Variants in RCAN1 observed in about 807,000 individuals in gnomAD.
The protein encoded by RCAN1 is calcipressin-1.
RCAN1 carries 11 observed loss-of-function variants against 22.9 expected under a neutral mutation model. The ratio of observed to expected loss-of-function variants is 0.48; its 90% CI spans 0.30 to 0.79. RCAN1 has a LOEUF of 0.79. RCAN1 is among the 30% of genes least tolerant of loss of function. The pLI, the probability that RCAN1 is intolerant of heterozygous loss-of-function variation, is 0.06. For synonymous variants in RCAN1, 136 were observed against 142.3 expected, an observed-to-expected ratio of 0.96 and a Z score of 0.32; for missense variants, 291 against 337.8, an observed-to-expected ratio of 0.86 and a Z score of 1.09.
At chr21:34,547,065 GC>G (rs1986174961) in intron 1 of RCAN1, among the ~76,000 whole-genome samples, 1 of 152,120 alleles carries the variant, frequency 6.6e-6, no homozygotes, top group South Asian at 2.1e-4. Context: ...TCTGTGGCTG[GC>G]GTTTTCTTTG....
At position 34,521,523 on chromosome 21, in the gene RCAN1, A is replaced by G. The variant is rs1031052642; in HGVS notation, c.562T>C (p.Tyr188His). Residue 188 changes from tyrosine to histidine, a missense_variant, in exon 3 of 4, where the codon TAT (tyrosine) becomes CAT (histidine). By Grantham distance (83) the Tyr-to-His change is moderately conservative. Transcript: ENST00000313806. ...CCTGGCCCCAGCTTGGAGATGGCAT[A>G]TAAGAGATCATAGTTTATGACTGGG... ...ATPVINYDLL[Y>H]AISKLGPGEK... The G allele has an allele frequency of 2.5e-6, 4 of 1,614,100 alleles. No individual in the cohort carries two copies. The African/African-American group carries it at 4.0e-5, about 16-fold the overall frequency.
intron 1 of RCAN1, among the ~76,000 whole-genome samples, chr21:34,582,766 G>A (rs1987659998): frequency 6.6e-6 from 1 of 152,184 alleles, no homozygotes; most frequent in Non-Finnish European, 1.5e-5. Context: ...GAGCTCCAGA[G>A]TGACAAGAGG....
chr21:34,597,880 A>G (rs1273538435), intron 1 of RCAN1, among the ~76,000 whole-genome samples: 1 of 152,200 alleles, frequency 6.6e-6, no homozygotes, highest in Non-Finnish European at 1.5e-5. Flanking sequence ...CTCTATATAG[A>G]GGTAAAAATA....
In RCAN1 at chr21:34,578,040, C is replaced by T. The variant is rs111720877; in HGVS notation, c.252+36720G>A. Among the ~76,000 whole-genome samples the T allele has an allele frequency of 1.1e-4, 16 of 152,270 alleles. 1 individual carries two copies. Among genetic ancestry groups the T allele is most frequent in the African/African-American group, 3.9e-4 (16 of 41,546 alleles). On this transcript the variant is annotated intron_variant, in intron 1 of 3. Transcript: ENST00000313806. ...AGCCCTGCAGAGGGGTGTGGACTGT[C>T]AGCCCACTGACTATTAGAAGTACAG...
chr21:34,610,020 G>C (rs774185522), intron 1 of RCAN1, among the ~76,000 whole-genome samples: 12 of 152,124 alleles, frequency 7.9e-5, no homozygotes, highest in Non-Finnish European at 1.3e-4. Flanking sequence ...CTGAGAAACC[G>C]CATGCCTCAC....
chr21:34,610,934 G>A (rs955737975), intron 1 of RCAN1, among the ~76,000 whole-genome samples: 2 of 152,100 alleles, frequency 1.3e-5, no homozygotes, highest in South Asian at 2.1e-4. Context: ...TTACTCAAGC[G>A]AAAAGAGTAA....
At position 34,554,717 on chromosome 21, in the gene RCAN1, T is replaced by C. The variant is rs531621384; in HGVS notation, c.253-31007A>G. Among the ~76,000 whole-genome samples, 12 of 152,344 alleles carry C rather than the reference T, an allele frequency of 7.9e-5. No individual in the cohort carries two copies. In the East Asian group the frequency reaches 1.5e-3, roughly 20 times the overall value. The stretch of plus-strand genomic sequence containing the variant: ...GTATATTAGTCCGTTTTCATGATGT[T>C]GATAAAGACATACCTGACACTGGGC... On this transcript the variant is annotated intron_variant, in intron 1 of 3. Coordinates refer to ENST00000313806, the MANE Select transcript of RCAN1 (RefSeq NM_004414.7).
At chr21:34,567,372 C>A (rs1400783541) in intron 1 of RCAN1, among the ~76,000 whole-genome samples, 1 of 152,012 alleles carries the variant, frequency 6.6e-6, no homozygotes, top group Non-Finnish European at 1.5e-5. Context: ...GGGCACATGC[C>A]TGTAGTCCCA....
intron 1 of RCAN1, among the ~76,000 whole-genome samples, chr21:34,591,581 G>T (rs1987975616): frequency 6.6e-6 from 1 of 152,202 alleles, no homozygotes; most frequent in African/African-American, 2.4e-5. Context: ...TCAGAATAAA[G>T]TGGAGGAAAA....
chr21:34,581,130 C>A (rs967375705), intron 1 of RCAN1, among the ~76,000 whole-genome samples: 6 of 152,098 alleles, frequency 3.9e-5, no homozygotes, highest in African/African-American at 1.4e-4. Context: ...AAAATGCCTT[C>A]TAGACTGGAA....
At chr21:34,521,768 A>T in intron 2 of RCAN1, 110 bp from the exon 3 acceptor site, 6 of 871,460 alleles carry the variant, frequency 6.9e-6, no homozygotes, top group Non-Finnish European at 8.8e-6. Flanking sequence ...TCCAGGCGTC[A>T]GGACAGGTGT....
At chr21:34,542,089 G>C (rs529956703) in intron 1 of RCAN1, among the ~76,000 whole-genome samples, 1 of 152,246 alleles carries the variant, frequency 6.6e-6, no homozygotes, top group East Asian at 1.9e-4. Context: ...ATAAACAGAG[G>C]TGAGGTGGGG....
intron 1 of RCAN1, among the ~76,000 whole-genome samples, chr21:34,541,293 G>A (rs1337132040): frequency 6.6e-6 from 1 of 152,190 alleles, no homozygotes; most frequent in Non-Finnish European, 1.5e-5. Context: ...TGAAGGACTT[G>A]AGAATAGGGT....
chr21:34,607,822 C>T (rs1242714054), intron 1 of RCAN1, among the ~76,000 whole-genome samples: 2 of 152,212 alleles, frequency 1.3e-5, no homozygotes, highest in Non-Finnish European at 2.9e-5. Context: ...AGTGCCAGTC[C>T]ATGGCCTGTT....
At chr21:34,584,167 G>A (rs1294587025) in intron 1 of RCAN1, among the ~76,000 whole-genome samples, 4 of 152,150 alleles carry the variant, frequency 2.6e-5, no homozygotes, top group East Asian at 1.9e-4. Context: ...TATTCTAGAC[G>A]CAGAAAAATC....
At chr21:34,525,076 C>T (rs983781220) in intron 1 of RCAN1, 25 of 1,550,508 alleles carry the variant, frequency 1.6e-5, no homozygotes, top group Non-Finnish European at 2.1e-5. Context: ...GCGGACAGAG[C>T]TCACTGAGGA....
intron 1 of RCAN1, among the ~76,000 whole-genome samples, chr21:34,573,709 G>C (rs575154996): frequency 6.6e-6 from 1 of 152,166 alleles, no homozygotes; most frequent in South Asian, 2.1e-4. Context: ...CTCTTTCTTG[G>C]TCCTTTCTCT....
At chr21:34,530,616 G>GTTTTTTTTTTTTTTTTT (rs59150851) in intron 1 of RCAN1, among the ~76,000 whole-genome samples, 4 of 66,226 alleles carry the variant, frequency 6.0e-5, no homozygotes, top group African/African-American at 2.2e-4. Flanking sequence ...TAGTGAAATA[G>GTTTTTTTTTTTTTTTTT]TTTTTTTTTT....
intron 1 of RCAN1, among the ~76,000 whole-genome samples, chr21:34,596,976 G>A (rs951599674): frequency 6.6e-6 from 1 of 152,184 alleles, no homozygotes; most frequent in Non-Finnish European, 1.5e-5. Flanking sequence ...TAAAGAAGGG[G>A]TTGGACAGTG....
Sources: gnomAD v4.1 joint callset for allele counts (sites outside exome capture counted in the v4.1 genomes callset) on GRCh38, gnomAD v4.1.1 for gene constraint, MANE v1.5 for transcripts, NCBI Gene and HGNC (gene_info 2026-07-23, HGNC 2026-07-21) for gene names.